PGCKA1: variants seen among roughly 807,000 people sequenced by gnomAD.
The protein encoded by PGCKA1 is PDCD10 and GCKIII kinases associated 1.
chr4:37,478,142 AC>A, the PGCKA1 span, among the ~76,000 whole-genome samples: 37 of 59,606 alleles, frequency 6.2e-4, 3 homozygotes, highest in South Asian at 2.6e-3. Flanking sequence ...TTTTAAAAAC[AC>A]CCCCCCCCAC....
At chr4:37,513,620 G>A in the PGCKA1 span, among the ~76,000 whole-genome samples, 2 of 152,156 alleles carry the variant, frequency 1.3e-5, no homozygotes, top group Non-Finnish European at 2.9e-5. Context: ...GTTAGGCCGT[G>A]GGTGTTAGGG....
At chr4:37,535,203 A>G in the PGCKA1 span, among the ~76,000 whole-genome samples, 1 of 152,148 alleles carries the variant, frequency 6.6e-6, no homozygotes, top group Admixed American at 6.6e-5. Context: ...AAAAACTCCC[A>G]AAGTGTGACA....
At chr4:37,586,561 A>C in the PGCKA1 span, among the ~76,000 whole-genome samples, 1 of 152,152 alleles carries the variant, frequency 6.6e-6, no homozygotes, top group Non-Finnish European at 1.5e-5. Context: ...TGATTTGGGG[A>C]TGTTACTAGT....
chr4:37,497,693 C>G, the PGCKA1 span, among the ~76,000 whole-genome samples: 2 of 152,146 alleles, frequency 1.3e-5, no homozygotes, highest in African/African-American at 4.8e-5. Flanking sequence ...TGAGAATTGT[C>G]TATTCATGTC....
the PGCKA1 span, among the ~76,000 whole-genome samples, chr4:37,507,336 T>C: frequency 6.6e-6 from 1 of 152,134 alleles, no homozygotes; most frequent in East Asian, 1.9e-4. Flanking sequence ...TTTCTGGTTG[T>C]TTGATGGCCT....
chr4:37,582,492 G>T, the PGCKA1 span, among the ~76,000 whole-genome samples: 1 of 152,216 alleles, frequency 6.6e-6, no homozygotes, highest in East Asian at 1.9e-4. Flanking sequence ...CTTTTAGCAA[G>T]AAGGACATGC....
At chr4:37,527,004 G>A in the PGCKA1 span, among the ~76,000 whole-genome samples, 1 of 152,110 alleles carries the variant, frequency 6.6e-6, no homozygotes, top group African/African-American at 2.4e-5. Context: ...AGATGTGGAG[G>A]TGGGACAGTG....
chr4:37,589,182 GA>G, the PGCKA1 span, among the ~76,000 whole-genome samples: 2 of 152,158 alleles, frequency 1.3e-5, no homozygotes, highest in African/African-American at 4.8e-5. Flanking sequence ...TGGCATCGCT[GA>G]AAATAAATCA....
At chr4:37,457,819 A>G in the PGCKA1 span, among the ~76,000 whole-genome samples, 1 of 152,162 alleles carries the variant, frequency 6.6e-6, no homozygotes, top group African/African-American at 2.4e-5. Context: ...GCATTATTTC[A>G]TTTCTGATTC....
At chr4:37,510,221 T>C in the PGCKA1 span, among the ~76,000 whole-genome samples, 2 of 152,236 alleles carry the variant, frequency 1.3e-5, no homozygotes, top group East Asian at 1.9e-4. Context: ...CCTCGTTCCT[T>C]ATCTAGTTTG....
the PGCKA1 span, among the ~76,000 whole-genome samples, chr4:37,492,039 A>C: frequency 9.3e-6 from 1 of 107,704 alleles, no homozygotes; most frequent in Non-Finnish European, 1.9e-5. The surrounding 1 kb of genome is among the most constrained non-coding windows in gnomAD (Gnocchi z 4.7). Context: ...TTTGTGAATT[A>C]TTTTTTCTTT....
At chr4:37,465,395 A>G in the PGCKA1 span, among the ~76,000 whole-genome samples, 1 of 152,146 alleles carries the variant, frequency 6.6e-6, no homozygotes, top group Non-Finnish European at 1.5e-5. Flanking sequence ...TGCAATAACC[A>G]TACTGGTGTG....
the PGCKA1 span, among the ~76,000 whole-genome samples, chr4:37,589,484 C>T: frequency 6.6e-6 from 1 of 152,194 alleles, no homozygotes; most frequent in Admixed American, 6.5e-5. Flanking sequence ...TAATATTCCA[C>T]TGAGAGGATA....
chr4:37,490,396 G>A, the PGCKA1 span, among the ~76,000 whole-genome samples: 4 of 152,148 alleles, frequency 2.6e-5, no homozygotes, highest in Non-Finnish European at 4.4e-5. Context: ...CTAGACTCAT[G>A]TTCTTCCTTT....
the PGCKA1 span, among the ~76,000 whole-genome samples, chr4:37,507,821 C>A: frequency 6.6e-6 from 1 of 152,134 alleles, no homozygotes; most frequent in African/African-American, 2.4e-5. Context: ...CCTTTTCTTT[C>A]TGATTGAAAT....
chr4:37,582,067 C>T, the PGCKA1 span, among the ~76,000 whole-genome samples: 1 of 152,094 alleles, frequency 6.6e-6, no homozygotes, highest in South Asian at 2.1e-4. Flanking sequence ...ACGCAAAGTC[C>T]CCAAATCACT....
the PGCKA1 span, among the ~76,000 whole-genome samples, chr4:37,488,107 C>CT: frequency 6.6e-6 from 1 of 152,292 alleles, no homozygotes; most frequent in East Asian, 1.9e-4. Flanking sequence ...CATCCAGGCC[C>CT]TGTTGGGCTT....
chr4:37,535,836 C>T, the PGCKA1 span, among the ~76,000 whole-genome samples: 1 of 152,142 alleles, frequency 6.6e-6, no homozygotes. Context: ...TTTCCTGGGC[C>T]TTTGGGCCCA....
At chr4:37,525,853 TA>T in the PGCKA1 span, among the ~76,000 whole-genome samples, 6 of 152,218 alleles carry the variant, frequency 3.9e-5, no homozygotes, top group African/African-American at 1.4e-4. Flanking sequence ...AATAAGCCAT[TA>T]ATTTCATCAA....
Sources: allele counts gnomAD v4.1 joint callset (sites outside exome capture counted in the v4.1 genomes callset), GRCh38; gene constraint gnomAD v4.1.1; non-coding constraint Gnocchi (gnomAD v3.1); transcripts MANE v1.5; gene names NCBI Gene and HGNC (gene_info 2026-07-23, HGNC 2026-07-21).